Variants in TSHZ2 observed in about 807,000 individuals in gnomAD.
The protein encoded by TSHZ2 is teashirt homolog 2.
In TSHZ2, 21 loss-of-function variants were observed where a neutral mutation model predicts 74.4. That is an observed-to-expected ratio of 0.28 (90% confidence interval 0.20 to 0.41). TSHZ2 has a LOEUF of 0.41. TSHZ2 is among the 10% of genes least tolerant of loss of function. TSHZ2 has a pLI of 1.00. For missense variants in TSHZ2, 1,244 were observed against 1,293.5 expected (o/e 0.96, Z 0.59); for synonymous variants, 540 against 515.3 (o/e 1.05, Z -0.65).
intron 1 of TSHZ2, among the ~76,000 whole-genome samples, chr20:53,143,406 G>C (rs1009671228): frequency 6.6e-6 from 1 of 152,108 alleles, no homozygotes; most frequent in African/African-American, 2.4e-5. Flanking sequence ...AAAAATAATT[G>C]TAATAGGCCG....
chr20:53,408,305 G>T (rs1289498445), intron 2 of TSHZ2, among the ~76,000 whole-genome samples: 1 of 152,162 alleles, frequency 6.6e-6, no homozygotes, highest in East Asian at 1.9e-4. Context: ...TACCAAGCAG[G>T]TACTCAAACC....
chr20:53,420,179 A>T (rs1293537384), intron 2 of TSHZ2, among the ~76,000 whole-genome samples: 1 of 152,194 alleles, frequency 6.6e-6, no homozygotes, highest in Non-Finnish European at 1.5e-5. Context: ...AAAGAATCAA[A>T]TGCCTATGGT....
At chr20:53,176,535 G>A (rs1988340880) in intron 1 of TSHZ2, among the ~76,000 whole-genome samples, 1 of 152,152 alleles carries the variant, frequency 6.6e-6, no homozygotes, top group South Asian at 2.1e-4. Context: ...GTTTCCTACA[G>A]CATTGATTAC....
At chr20:53,134,383 C>A (rs13039466) in intron 1 of TSHZ2, among the ~76,000 whole-genome samples, 6,614 of 152,222 alleles carry the variant, frequency 0.043, 192 homozygotes, top group Non-Finnish European at 0.063. Context: ...AAAAAGAAAA[C>A]AATATATGTT....
intron 1 of TSHZ2, among the ~76,000 whole-genome samples, chr20:53,056,831 A>T (rs949969991): frequency 1.3e-5 from 2 of 151,980 alleles, no homozygotes; most frequent in African/African-American, 4.8e-5. Flanking sequence ...TGTGACTTAG[A>T]ATCTCTAGCA....
intron 2 of TSHZ2, among the ~76,000 whole-genome samples, chr20:53,372,508 G>T (rs1465391878): frequency 6.6e-6 from 1 of 151,650 alleles, no homozygotes; most frequent in East Asian, 1.9e-4. Flanking sequence ...AGGAAGGAAG[G>T]AAAGAAGGAA....
chr20:53,016,400 C>A (rs1346959738), intron 1 of TSHZ2, among the ~76,000 whole-genome samples: 1 of 152,146 alleles, frequency 6.6e-6, no homozygotes, highest in Non-Finnish European at 1.5e-5. Context: ...ACAAATCAGC[C>A]TTCAATTGGT....
intron 2 of TSHZ2, among the ~76,000 whole-genome samples, chr20:53,285,104 G>A (rs1991140040): frequency 6.6e-6 from 1 of 152,156 alleles, no homozygotes; most frequent in Non-Finnish European, 1.5e-5. Flanking sequence ...GCTGAGTGGG[G>A]AAGTTGTAGC....
At chr20:53,134,443 C>T (rs1987190617) in intron 1 of TSHZ2, among the ~76,000 whole-genome samples, 1 of 152,156 alleles carries the variant, frequency 6.6e-6, no homozygotes, top group Non-Finnish European at 1.5e-5. Flanking sequence ...TGGAGCATAG[C>T]ACACCTCAAT....
At chr20:53,027,883 TA>T (rs1325571033) in intron 1 of TSHZ2, among the ~76,000 whole-genome samples, 1 of 152,106 alleles carries the variant, frequency 6.6e-6, no homozygotes, top group East Asian at 1.9e-4. Flanking sequence ...GGTGGTTAGA[TA>T]TTTTTTTTAA....
chr20:53,354,330 A>G (rs1980764281), intron 2 of TSHZ2, among the ~76,000 whole-genome samples: 1 of 152,216 alleles, frequency 6.6e-6, no homozygotes, highest in Non-Finnish European at 1.5e-5. Context: ...TGTTGATTTG[A>G]AAACTTCTAA....
intron 1 of TSHZ2, among the ~76,000 whole-genome samples, chr20:53,123,431 C>A (rs899605715): frequency 1.3e-5 from 2 of 152,156 alleles, no homozygotes; most frequent in African/African-American, 4.8e-5. Context: ...AGGGGATTGA[C>A]TATCGGTTGG....
intron 2 of TSHZ2, among the ~76,000 whole-genome samples, chr20:53,379,117 C>T (rs1278716670): frequency 6.6e-6 from 1 of 152,196 alleles, no homozygotes; most frequent in East Asian, 1.9e-4. Flanking sequence ...CATGGTGGCA[C>T]ATGCCTGTAA....
chr20:53,022,744 T>G (rs1339624864), intron 1 of TSHZ2, among the ~76,000 whole-genome samples: 1 of 152,238 alleles, frequency 6.6e-6, no homozygotes, highest in Non-Finnish European at 1.5e-5. Flanking sequence ...ATACATCTAA[T>G]TGTACATACA....
intron 1 of TSHZ2, among the ~76,000 whole-genome samples, chr20:53,009,689 G>A (rs1364798991): frequency 1.3e-5 from 2 of 152,134 alleles, no homozygotes; most frequent in East Asian, 1.9e-4. Context: ...AAGATTCAGA[G>A]GAGAAAGATT....
intron 1 of TSHZ2, among the ~76,000 whole-genome samples, chr20:53,181,682 A>T (rs1369754886): frequency 6.6e-6 from 1 of 152,082 alleles, no homozygotes; most frequent in Non-Finnish European, 1.5e-5. Context: ...AGGTCAGGAG[A>T]TTGAGACCAT....
rs1020744672 is a variant in TSHZ2, at chr20:53,361,282, G to A, written c.*8+104711G>A. ...AGAAAGAATGACACTTTTGCAGGAA[G>A]CTGTTCTTTGGGAGAAATGATATTT... On this transcript the variant is annotated intron_variant, in intron 2 of 2. Transcript: ENST00000371497. Among the ~76,000 whole-genome samples, 6 of 152,358 alleles carry A rather than the reference G, an allele frequency of 3.9e-5. No individual in the cohort carries two copies. In the East Asian group the frequency reaches 1.2e-3, roughly 29 times the overall value.
At chr20:53,076,059 ACT>A in intron 1 of TSHZ2, among the ~76,000 whole-genome samples, 1 of 152,332 alleles carries the variant, frequency 6.6e-6, no homozygotes, top group African/African-American at 2.4e-5. Context: ...ACCCTAGGAC[ACT>A]TTTCACTTTG....
At position 53,236,654 on chromosome 20, in the gene TSHZ2, G is replaced by A. The variant is rs544624282; in HGVS notation, c.41-16845G>A. 4.6e-5 allele frequency among the ~76,000 whole-genome samples: 7 copies of A among 152,234 alleles called. No homozygotes were observed. The East Asian group carries it at 9.6e-4, about 21-fold the overall frequency. The stretch of plus-strand genomic sequence containing the variant: ...TGTGACTGTATTAGTTCATTCTCAC[G>A]CTGCTCTAAAGAACTGCCTGAGACT... On this transcript the variant is annotated intron_variant, in intron 1 of 2. Coordinates refer to ENST00000371497, the MANE Select transcript of TSHZ2 (RefSeq NM_173485.6).
Sources: allele counts gnomAD v4.1 joint callset (sites outside exome capture counted in the v4.1 genomes callset), GRCh38; gene constraint gnomAD v4.1.1; transcripts MANE v1.5; gene names NCBI Gene and HGNC (gene_info 2026-07-23, HGNC 2026-07-21).